NAV2: variants seen among roughly 807,000 people sequenced by gnomAD.
The protein encoded by NAV2 is helicase, APC down-regulated 1.
A neutral mutation model predicts 223.2 loss-of-function variants in NAV2; 54 were observed. The observed-to-expected ratio is 0.24, with a 90% confidence interval of 0.19 to 0.30. NAV2 has a LOEUF of 0.30. Among genes scored for constraint, NAV2 ranks in the 10% least tolerant of loss-of-function variants. The pLI, the probability that NAV2 is intolerant of heterozygous loss-of-function variation, is 1.00. For missense variants in NAV2, 2,806 were observed against 3,147.5 expected (o/e 0.89, Z 2.60); for synonymous variants, 1,279 against 1,239.3 (o/e 1.03, Z -0.67).
intron 11 of NAV2, among the ~76,000 whole-genome samples, chr11:20,028,978 C>T (rs775852384): frequency 1.2e-4 from 19 of 152,178 alleles, no homozygotes; most frequent in Non-Finnish European, 1.9e-4. Context: ...GAACATACTT[C>T]TGTCTAAAAA....
intron 11 of NAV2, among the ~76,000 whole-genome samples, chr11:19,999,952 A>G (rs2052376901): frequency 6.6e-6 from 1 of 152,224 alleles, no homozygotes; most frequent in Non-Finnish European, 1.5e-5. Context: ...GCCAGGATAT[A>G]CATGTGGGTC....
intron 4 of NAV2, among the ~76,000 whole-genome samples, chr11:19,872,003 C>T (rs981622970): frequency 1.3e-5 from 2 of 152,120 alleles, no homozygotes; most frequent in Non-Finnish European, 2.9e-5. Context: ...TCTAGATCTT[C>T]TTATATTTTT....
chr11:20,041,453 C>A (rs1328591409), intron 12 of NAV2, among the ~76,000 whole-genome samples: 1 of 152,094 alleles, frequency 6.6e-6, no homozygotes, highest in Non-Finnish European at 1.5e-5. Flanking sequence ...AGTAAGTACT[C>A]AATAAATTGT....
intron 1 of NAV2, among the ~76,000 whole-genome samples, chr11:19,431,691 C>T (rs182762872): frequency 7.2e-5 from 11 of 152,076 alleles, no homozygotes; most frequent in Admixed American, 2.6e-4. Context: ...TGCCTGGTGT[C>T]GGAAGATAGA....
chr11:19,990,581 CACCGTCA>C (rs1314219202), intron 11 of NAV2, among the ~76,000 whole-genome samples: 3 of 151,982 alleles, frequency 2.0e-5, no homozygotes, highest in Admixed American at 6.6e-5. Context: ...CTAATCTTCC[CACCGTCA>C]TCAAGTAAAG....
intron 1 of NAV2, among the ~76,000 whole-genome samples, chr11:19,557,958 T>C (rs2044957890): frequency 6.6e-6 from 1 of 152,180 alleles, no homozygotes; most frequent in Non-Finnish European, 1.5e-5. Flanking sequence ...TGGGGTGCTC[T>C]TGTGGGATGA....
At chr11:20,073,881 G>A (rs2059559593) in intron 22 of NAV2, among the ~76,000 whole-genome samples, 1 of 151,920 alleles carries the variant, frequency 6.6e-6, no homozygotes, top group Admixed American at 6.6e-5. Context: ...TTCAAAAAAC[G>A]ACCTCCTGGA....
intron 1 of NAV2, among the ~76,000 whole-genome samples, chr11:19,579,610 G>C (rs1199592414): frequency 6.6e-6 from 1 of 152,192 alleles, no homozygotes; most frequent in Non-Finnish European, 1.5e-5. Flanking sequence ...CTGGAAGATA[G>C]GAAGGAAATA....
intron 1 of NAV2, among the ~76,000 whole-genome samples, chr11:19,706,262 G>T (rs138393324): frequency 3.9e-5 from 6 of 152,106 alleles, no homozygotes; most frequent in Non-Finnish European, 7.4e-5. Flanking sequence ...ATCCTTTGTG[G>T]GATGAGGCAA....
At chr11:19,828,971 G>A (rs1034906818) in intron 1 of NAV2, among the ~76,000 whole-genome samples, 14 of 152,182 alleles carry the variant, frequency 9.2e-5, no homozygotes, top group Non-Finnish European at 1.5e-4. Context: ...CTCTATAATC[G>A]CAGTGTGTGT....
At chr11:19,421,326 T>G (rs1850602528) in intron 1 of NAV2, among the ~76,000 whole-genome samples, 1 of 152,088 alleles carries the variant, frequency 6.6e-6, no homozygotes, top group Admixed American at 6.5e-5. Flanking sequence ...AGGACCAGAG[T>G]GCGCAGCTGG....
At chr11:19,594,761 C>T (rs549103366) in intron 1 of NAV2, among the ~76,000 whole-genome samples, 26 of 152,230 alleles carry the variant, frequency 1.7e-4, no homozygotes, top group African/African-American at 5.8e-4. Flanking sequence ...GCTATGTAAA[C>T]CTGAGCAGCG....
intron 1 of NAV2, among the ~76,000 whole-genome samples, chr11:19,699,402 T>C (rs554649978): frequency 4.6e-5 from 7 of 151,626 alleles, no homozygotes; most frequent in Non-Finnish European, 8.8e-5. Context: ...AGTGGCTTCC[T>C]GTGCCTGGGT....
chr11:19,935,864 T>TTTTTTTTTTGTTTG (rs2045836144), intron 7 of NAV2, among the ~76,000 whole-genome samples: 1 of 101,154 alleles, frequency 9.9e-6, no homozygotes, highest in Admixed American at 1.1e-4. Flanking sequence ...TTTTTTTTTT[T>TTTTTTTTTTGTTTG]TTTTTTTTTT....
chr11:19,431,444 C>T (rs1322014736), intron 1 of NAV2, among the ~76,000 whole-genome samples: 1 of 152,116 alleles, frequency 6.6e-6, no homozygotes. Flanking sequence ...GCACAGAAGC[C>T]ACAAAAAGAC....
intron 1 of NAV2, among the ~76,000 whole-genome samples, chr11:19,690,753 G>A (rs1800004555): frequency 6.6e-6 from 1 of 152,200 alleles, no homozygotes; most frequent in African/African-American, 2.4e-5. Flanking sequence ...GCTGGTGCAA[G>A]AGAAAGCTCC....
At chr11:19,364,301 A>T (rs1158681508) in intron 1 of NAV2, among the ~76,000 whole-genome samples, 1 of 152,188 alleles carries the variant, frequency 6.6e-6, no homozygotes, top group Non-Finnish European at 1.5e-5. Context: ...AGAACTACAT[A>T]TATATTTCTT....
intron 1 of NAV2, among the ~76,000 whole-genome samples, chr11:19,814,726 G>A (rs2059004231): frequency 1.3e-5 from 2 of 152,052 alleles, no homozygotes; most frequent in South Asian, 4.1e-4. Context: ...CAGCCTTCTG[G>A]AGCAGCTGGG....
intron 10 of NAV2, among the ~76,000 whole-genome samples, chr11:19,958,726 G>A (rs924388637): frequency 3.8e-4 from 58 of 152,218 alleles, no homozygotes; most frequent in African/African-American, 1.3e-3. Context: ...AGCAGCAGCG[G>A]TGGCACCTTG....
Sources: allele counts gnomAD v4.1 joint callset (sites outside exome capture counted in the v4.1 genomes callset), GRCh38; gene constraint gnomAD v4.1.1; transcripts MANE v1.5; gene names NCBI Gene and HGNC (gene_info 2026-07-23, HGNC 2026-07-21).